The following PRRX2 variants were observed in gnomAD, a reference collection of about 807,000 sequenced individuals.
PRRX2 encodes the protein paired related homeobox 2, also known as paired mesoderm homeobox protein 2.
A neutral mutation model predicts 18.0 loss-of-function variants in PRRX2; 11 were observed. That is an observed-to-expected ratio of 0.61 (90% confidence interval 0.39 to 1.01). PRRX2 has a LOEUF of 1.01. Among genes scored for constraint, PRRX2 ranks in the 50% least tolerant of loss-of-function variants. The pLI, the probability that PRRX2 is intolerant of heterozygous loss-of-function variation, is 0.01. For missense variants in PRRX2, 387 were observed against 351.0 expected (o/e 1.10, Z -0.82); for synonymous variants, 177 against 154.8 (o/e 1.14, Z -1.06).
Position 129,709,346 on chromosome 9 carries a change from A to G in PRRX2, c.260-9885A>G, listed in dbSNP as rs776233210. On this transcript the variant is annotated intron_variant, in intron 1 of 3. Coordinates refer to ENST00000372469, the MANE Select transcript of PRRX2 (RefSeq NM_016307.4). The surrounding 1 kb of genome is among the most constrained non-coding windows in gnomAD (Gnocchi z 4.2). Reference sequence around the variant, plus strand: ...CCCAGATACACCGCAACTGCCTCCAAGCAGGGCTCTGCTGAGGTTTGTGGG... The same window carrying G: ...CCCAGATACACCGCAACTGCCTCCAGGCAGGGCTCTGCTGAGGTTTGTGGG... Among the ~76,000 whole-genome samples the G allele has an allele frequency of 2.6e-5, 4 of 152,104 alleles. No individual in the cohort carries two copies. Among genetic ancestry groups the G allele is most frequent in the Admixed American group, 6.5e-5 (1 of 15,278 alleles).
chr9:129,709,281 T>C lies in PRRX2; in HGVS notation c.260-9950T>C, dbSNP rs540962190. ...TGGTGGCCCCATGGAAATGTGTGCA[T>C]GTCATGTATTTAGGGGTGAGGCTCC... On this transcript the variant is annotated intron_variant, in intron 1 of 3. Transcript: ENST00000372469. The surrounding 1 kb of genome is among the most constrained non-coding windows in gnomAD (Gnocchi z 4.2). 1.3e-3 allele frequency among the ~76,000 whole-genome samples: 198 copies of C among 152,208 alleles called. 1 individual carries two copies. The highest frequency in any genetic ancestry group is 2.3e-3 in the Non-Finnish European group (154 of 67,992).
At chr9:129,681,519 C>CA (rs71497482) in intron 1 of PRRX2, among the ~76,000 whole-genome samples, 3,926 of 150,082 alleles carry the variant, frequency 0.026, 57 homozygotes, top group Middle Eastern at 0.065. Flanking sequence ...GACTCCATTT[C>CA]AAAAAAAAAC....
In PRRX2 at chr9:129,703,250, C is replaced by T. The variant is rs145021166; in HGVS notation, c.260-15981C>T. On this transcript the variant is annotated intron_variant, in intron 1 of 3. Coordinates refer to ENST00000372469, the MANE Select transcript of PRRX2 (RefSeq NM_016307.4). ...TGTGGGCCGAGCATTCCGACTTGTT[C>T]GGGTAGAGAGGGGTGGCCAATTAAG... 2.7e-3 allele frequency among the ~76,000 whole-genome samples: 418 copies of T among 152,256 alleles called. 1 individual carries two copies. The highest frequency in any genetic ancestry group is 9.5e-3 in the African/African-American group (395 of 41,556).
chr9:129,711,149 G>A (rs533149183), intron 1 of PRRX2, among the ~76,000 whole-genome samples: 5 of 152,262 alleles, frequency 3.3e-5, no homozygotes, highest in Admixed American at 3.3e-4. Context: ...GGATCTTGGG[G>A]CTGGCTTCCC....
At chr9:129,696,322 C>T (rs1380336679) in intron 1 of PRRX2, among the ~76,000 whole-genome samples, 1 of 152,206 alleles carries the variant, frequency 6.6e-6, no homozygotes, top group Non-Finnish European at 1.5e-5. Flanking sequence ...CGCCTGGAAT[C>T]CCAGCACTTT....
chr9:129,675,751 C>T lies in PRRX2; in HGVS notation c.259+9625C>T, dbSNP rs938585228. On this transcript the variant is annotated intron_variant, in intron 1 of 3. Coordinates refer to ENST00000372469, the MANE Select transcript of PRRX2 (RefSeq NM_016307.4). This position sits in a 1 kb window ranked among gnomAD's most constrained non-coding sequence, Gnocchi z 4.4. ...TTTAACCAGAGCTGGAATTACCACG[C>T]GGATGGCTGCAAACCTCGGAATCAA... 2.6e-5 allele frequency among the ~76,000 whole-genome samples: 4 copies of T among 152,214 alleles called. No individual in the cohort carries two copies. The highest frequency in any genetic ancestry group is 7.2e-5 in the African/African-American group (3 of 41,462).
chr9:129,669,268 G>T (rs1054126902), intron 1 of PRRX2, among the ~76,000 whole-genome samples: 1 of 152,232 alleles, frequency 6.6e-6, no homozygotes, highest in Non-Finnish European at 1.5e-5. Flanking sequence ...CGGGAAGACC[G>T]TGGCTTCGCC....
intron 1 of PRRX2, among the ~76,000 whole-genome samples, chr9:129,674,701 C>A (rs1832143158): frequency 6.6e-6 from 1 of 152,174 alleles, no homozygotes; most frequent in Non-Finnish European, 1.5e-5. Flanking sequence ...GCCCAAGACG[C>A]AGTGAGAAGG....
intron 1 of PRRX2, among the ~76,000 whole-genome samples, chr9:129,703,785 C>G (rs116999519): frequency 0.039 from 5,922 of 152,232 alleles, 421 homozygotes; most frequent in East Asian, 0.35. Context: ...CTTTGCCGAG[C>G]AAGGCTCAGA....
intron 1 of PRRX2, among the ~76,000 whole-genome samples, chr9:129,698,355 G>A (rs1321718775): frequency 6.6e-6 from 1 of 152,010 alleles, no homozygotes; most frequent in East Asian, 1.9e-4. Context: ...GGCCGGGCTG[G>A]GCCAGGCCAA....
chr9:129,697,774 C>A (rs559488460), intron 1 of PRRX2, among the ~76,000 whole-genome samples: 2 of 152,102 alleles, frequency 1.3e-5, no homozygotes, highest in African/African-American at 4.8e-5. Flanking sequence ...AACCTGCCCC[C>A]CTGCTAGCGC....
chr9:129,684,497 CACA>C (rs1460963646), intron 1 of PRRX2, among the ~76,000 whole-genome samples: 2 of 78,146 alleles, frequency 2.6e-5, no homozygotes, highest in Non-Finnish European at 5.7e-5. Context: ...CACACACACA[CACA>C]CACACACACA....
Position 129,679,969 on chromosome 9 carries a change from G to A in PRRX2, c.259+13843G>A, listed in dbSNP as rs538120169. On this transcript the variant is annotated intron_variant, in intron 1 of 3. Transcript: ENST00000372469. ...TGGGTGATCTTGGCAAAGCACTCAT[G>A]TCTCTGAGCCTCAAATTCCTCACCT... Among the ~76,000 whole-genome samples the A allele has an allele frequency of 2.0e-3, 304 of 152,288 alleles. 1 individual carries two copies. Among genetic ancestry groups the A allele is most frequent in the Non-Finnish European group, 3.4e-3 (232 of 68,026 alleles).
Position 129,666,089 on chromosome 9 carries a change from CG to C in PRRX2, c.227del (p.Gly76AlafsTer120). 1.9e-6 allele frequency: 2 copies of C among 1,031,582 alleles called. No individual in the cohort carries two copies. Among genetic ancestry groups the C allele is most frequent in the African/African-American group, 1.7e-5 (1 of 57,562 alleles). 63.9% of individuals were successfully genotyped at this position (1,031,582 alleles called of 1,614,324 possible). A position where few individuals can be genotyped will look rare whatever the true frequency, so the allele number is the denominator to read the frequency against. ...AREGAAREPS[G>X]GSSGSEAAPQ... ...GGGAGGGCGCAGCACGGGAGCCGTC[CG>C]GGGGCAGCAGCGGCAGCGAGGCGGC... On this transcript the variant is annotated frameshift_variant, in exon 1 of 4. Coordinates refer to ENST00000372469, the MANE Select transcript of PRRX2 (RefSeq NM_016307.4). LOFTEE classifies it high-confidence loss of function.
At chr9:129,685,515 AC>A (rs1006548660) in intron 1 of PRRX2, among the ~76,000 whole-genome samples, 3 of 151,450 alleles carry the variant, frequency 2.0e-5, no homozygotes, top group African/African-American at 7.3e-5. Flanking sequence ...ATGTGCCACC[AC>A]CCCCACCTGG....
Position 129,721,533 on chromosome 9 carries a change from C to T in PRRX2, c.627-684C>T, listed in dbSNP as rs78319811. Among the ~76,000 whole-genome samples the T allele has an allele frequency of 5.6e-3, 847 of 152,160 alleles. 8 individuals carry two copies. The highest frequency in any genetic ancestry group is 0.019 in the African/African-American group (804 of 41,498). On this transcript the variant is annotated intron_variant, in intron 3 of 3. Transcript: ENST00000372469. ...CTCACCGCCCTCCTAACTTCCCTCC[C>T]TATTCATCGTTACAGGGGGCAGGAA...
At chr9:129,696,572 T>A (rs1206805734) in intron 1 of PRRX2, among the ~76,000 whole-genome samples, 1 of 151,938 alleles carries the variant, frequency 6.6e-6, no homozygotes, top group African/African-American at 2.4e-5. Context: ...TTAGACCCTG[T>A]CTCGAAAAAA....
chr9:129,676,547 A>G (rs56299130), intron 1 of PRRX2, among the ~76,000 whole-genome samples: 2,295 of 152,312 alleles, frequency 0.015, 34 homozygotes, highest in South Asian at 0.05. Context: ...GCCAGAGCCC[A>G]TGTGCTTTCA....
At position 129,719,114 on chromosome 9, in the gene PRRX2, G is replaced by A. The variant is rs188364858; in HGVS notation, c.260-117G>A. On this transcript the variant is annotated intron_variant, in intron 1 of 3. Coordinates refer to ENST00000372469, the MANE Select transcript of PRRX2 (RefSeq NM_016307.4). ...AAGGAATGAGGGAGTGAATTAAAGGGACGCATTCCTGGCGGCGGCACTAAA... is the reference window on the plus strand; with the variant it reads ...AAGGAATGAGGGAGTGAATTAAAGGAACGCATTCCTGGCGGCGGCACTAAA... The A allele has an allele frequency of 1.1e-4, 103 of 959,444 alleles. No homozygotes were observed. The African/African-American group carries it at 1.6e-3, about 15-fold the overall frequency. 59.4% of individuals were successfully genotyped at this position (959,444 alleles called of 1,614,324 possible).
Sources: gnomAD v4.1 joint callset for allele counts (sites outside exome capture counted in the v4.1 genomes callset) on GRCh38, gnomAD v4.1.1 for gene constraint, Gnocchi (gnomAD v3.1) non-coding constraint, MANE v1.5 for transcripts, NCBI Gene and HGNC (gene_info 2026-07-23, HGNC 2026-07-21) for gene names.